GRM1: variants seen among roughly 807,000 people sequenced by gnomAD.
GRM1 encodes the protein metabotropic glutamate receptor 1.
In GRM1, 33 loss-of-function variants were observed where a neutral mutation model predicts 90.9. The ratio of observed to expected loss-of-function variants is 0.36; its 90% CI spans 0.28 to 0.49. The LOEUF (loss-of-function observed/expected upper bound fraction) is 0.49. Ranked by LOEUF, GRM1 falls within the 20% of genes least tolerant of loss-of-function variation. The pLI is 0.99. For missense variants in GRM1, 1,190 were observed against 1,534.3 expected (o/e 0.78, Z 3.75); for synonymous variants, 700 against 613.2 (o/e 1.14, Z -2.09).
chr6:146,364,805 G>T (rs1169842225), intron 5 of GRM1: 5 of 149,292 alleles, frequency 3.3e-5, no homozygotes, highest in Admixed American at 1.3e-4. Context: ...CAATTTAAAG[G>T]GTAGAAATAT....
chr6:146,198,620 A>G (rs1005607814), intron 2 of GRM1, among the ~76,000 whole-genome samples: 1 of 152,178 alleles, frequency 6.6e-6, no homozygotes, highest in African/African-American at 2.4e-5. Flanking sequence ...TGGACCTGAG[A>G]TGAGACTTAT....
chr6:146,152,993 A>G (rs548537301), intron 1 of GRM1, among the ~76,000 whole-genome samples: 6 of 152,300 alleles, frequency 3.9e-5, no homozygotes, highest in African/African-American at 1.4e-4. Context: ...GAAGAAGCCT[A>G]AGTGGCAGAA....
At position 146,159,571 on chromosome 6, in the gene GRM1, C is replaced by G. The variant is rs1387481532; in HGVS notation, c.924C>G (p.Val308=). 1.2e-6 allele frequency: 2 copies of G among 1,610,864 alleles called. No homozygotes were observed. The highest frequency in any genetic ancestry group is 2.2e-5 in the South Asian group (2 of 90,956). The change falls in exon 2 of 8, where the codon GTC becomes GTG. Residue 308 remains valine, a synonymous_variant. Transcript: ENST00000282753. Reference sequence around the variant, plus strand: ...TGAGCGCCATGCGGCGCCTTGGCGTCGTGGGCGAGTTCTCACTCATTGGAA... The same window carrying G: ...TGAGCGCCATGCGGCGCCTTGGCGTGGTGGGCGAGTTCTCACTCATTGGAA... ...GLLSAMRRLG[V]VGEFSLIGSD...
At chr6:146,047,606 C>T (rs576571670) in intron 1 of GRM1, among the ~76,000 whole-genome samples, 9 of 150,894 alleles carry the variant, frequency 6.0e-5, no homozygotes, top group East Asian at 3.9e-4. Flanking sequence ...CCAGGAGCAA[C>T]GCCTTCTTCT....
chr6:146,057,167 A>G (rs1192285194), intron 1 of GRM1, among the ~76,000 whole-genome samples: 1 of 152,170 alleles, frequency 6.6e-6, no homozygotes, highest in East Asian at 1.9e-4. Context: ...TAATGAGAAG[A>G]CTTTTTATCT....
intron 4 of GRM1, among the ~76,000 whole-genome samples, chr6:146,357,221 C>T (rs1441152727): frequency 1.3e-5 from 2 of 151,956 alleles, no homozygotes; most frequent in African/African-American, 4.8e-5. Context: ...ACTTAATAAA[C>T]CATAATTGGA....
intron 2 of GRM1, among the ~76,000 whole-genome samples, chr6:146,191,055 G>A (rs955799250): frequency 2.6e-5 from 4 of 152,088 alleles, no homozygotes; most frequent in Admixed American, 2.6e-4. Context: ...TCTCACCTCT[G>A]TGCCTCTGCA....
chr6:146,124,282 T>C (rs1294590075), intron 1 of GRM1, among the ~76,000 whole-genome samples: 1 of 152,226 alleles, frequency 6.6e-6, no homozygotes, highest in Non-Finnish European at 1.5e-5. Context: ...TAACTTAAAC[T>C]ACTAAGTTTT....
At chr6:146,424,308 A>G (rs930776147) in intron 7 of GRM1, among the ~76,000 whole-genome samples, 5 of 152,244 alleles carry the variant, frequency 3.3e-5, no homozygotes, top group Admixed American at 2.6e-4. Flanking sequence ...CACATATATC[A>G]GACCCTGATC....
intron 1 of GRM1, among the ~76,000 whole-genome samples, chr6:146,142,092 C>T (rs1562489387): frequency 6.6e-6 from 1 of 152,150 alleles, no homozygotes; most frequent in Non-Finnish European, 1.5e-5. Flanking sequence ...TCATTGCAGC[C>T]ATGTCTGCAT....
intron 7 of GRM1, among the ~76,000 whole-genome samples, chr6:146,400,273 A>C (rs1199900157): frequency 6.6e-6 from 1 of 152,192 alleles, no homozygotes; most frequent in Non-Finnish European, 1.5e-5. Context: ...GACTTATCAT[A>C]TCTCTCTTAT....
rs184488519 is a variant in GRM1 at position 146,138,871 on chromosome 6, G to C, written c.701-20477G>C. Among the ~76,000 whole-genome samples the C allele has an allele frequency of 2.2e-3, 333 of 150,036 alleles. 2 individuals are homozygous for C. The highest frequency in any genetic ancestry group is 7.4e-3 in the African/African-American group (304 of 40,886). ...TATTTATTTTCTTCTACTAATTTGC[G>C]GTTTGATTTGCTCTTGTTTTCTAGT... On this transcript the variant is annotated intron_variant, in intron 1 of 7. Transcript: ENST00000282753.
At chr6:146,406,445 G>T (rs1317454696) in intron 7 of GRM1, among the ~76,000 whole-genome samples, 1 of 152,186 alleles carries the variant, frequency 6.6e-6, no homozygotes, top group Non-Finnish European at 1.5e-5. Context: ...AGGGACAAAT[G>T]AGGGAAAGCC....
intron 1 of GRM1, among the ~76,000 whole-genome samples, chr6:146,122,318 G>C (rs1776021418): frequency 6.6e-6 from 1 of 151,836 alleles, no homozygotes; most frequent in African/African-American, 2.4e-5. Flanking sequence ...GATAATGTTT[G>C]TTTCTCCTTA....
rs569599061 is a variant in GRM1, at chr6:146,242,730, T to A, written c.951-61881T>A. ...AGCTTCCACCGTACCTCCATCTATA[T>A]TGCAAGCTCTTTGTTGTAATGCCGC... On this transcript the variant is annotated intron_variant, in intron 2 of 7. Transcript: ENST00000282753. 3.2e-4 allele frequency among the ~76,000 whole-genome samples: 48 copies of A among 152,206 alleles called. 2 individuals carry two copies. In the South Asian group the frequency reaches 9.7e-3, roughly 31 times the overall value.
intron 3 of GRM1, among the ~76,000 whole-genome samples, chr6:146,348,346 G>A (rs1188437878): frequency 2.0e-4 from 31 of 152,332 alleles, no homozygotes; most frequent in Non-Finnish European, 2.2e-4. Flanking sequence ...CTAGACAGTT[G>A]CTGTAGTAAA....
chr6:146,065,152 C>A (rs547100603), intron 1 of GRM1, among the ~76,000 whole-genome samples: 3 of 152,222 alleles, frequency 2.0e-5, no homozygotes, highest in African/African-American at 4.8e-5. Context: ...CAGGAGAAAG[C>A]CTTCTTAATG....
chr6:146,177,206 T>C (rs924205037), intron 2 of GRM1, among the ~76,000 whole-genome samples: 1 of 152,110 alleles, frequency 6.6e-6, no homozygotes, highest in Non-Finnish European at 1.5e-5. Flanking sequence ...AGTCCATTGT[T>C]TCAATATATG....
intron 5 of GRM1, among the ~76,000 whole-genome samples, chr6:146,386,250 C>A (rs372364991): frequency 9.8e-4 from 149 of 152,158 alleles, no homozygotes; most frequent in South Asian, 3.5e-3. Context: ...AAAGTTTAAA[C>A]TGCTCAGATA....
Sources: gnomAD v4.1 joint callset for allele counts (sites outside exome capture counted in the v4.1 genomes callset) on GRCh38, gnomAD v4.1.1 for gene constraint, MANE v1.5 for transcripts, NCBI Gene and HGNC (gene_info 2026-07-23, HGNC 2026-07-21) for gene names.